The following DSCAML1 variants were observed in gnomAD, a reference collection of about 807,000 sequenced individuals.
DSCAML1 encodes DS cell adhesion molecule like 1.
Under a neutral mutation model 200.5 loss-of-function variants are expected in DSCAML1, and 38 were observed. The ratio of observed to expected loss-of-function variants is 0.19; its 90% CI spans 0.15 to 0.25. DSCAML1 has a LOEUF of 0.25. Among genes scored for constraint, DSCAML1 ranks in the 10% least tolerant of loss-of-function variants. DSCAML1 has a pLI of 1.00. For missense variants in DSCAML1, 2,223 were observed against 2,858.8 expected (o/e 0.78, Z 5.07); for synonymous variants, 1,215 against 1,165.0 (o/e 1.04, Z -0.87).
In DSCAML1 at chr11:117,523,723, C is replaced by T. The variant is rs560380458; in HGVS notation, c.937+1082G>A. Among the ~76,000 whole-genome samples, 3 of 152,336 alleles carry T rather than the reference C, an allele frequency of 2.0e-5. No individual in the cohort carries two copies. The South Asian group carries it at 6.2e-4, about 32-fold the overall frequency. On this transcript the variant is annotated intron_variant, in intron 5 of 32. Coordinates refer to ENST00000651296, the MANE Select transcript of DSCAML1 (RefSeq NM_020693.4). ...CTGGTCAGCCTGAGGGTCTGCAGCCCTACTGCCCTATGCTCACAATGAATG... is the reference window on the plus strand; with the variant it reads ...CTGGTCAGCCTGAGGGTCTGCAGCCTTACTGCCCTATGCTCACAATGAATG...
chr11:117,810,061 ACACACTCACTTACACATTCG>A (rs2055747246), intron 1 of DSCAML1, among the ~76,000 whole-genome samples: 1 of 149,648 alleles, frequency 6.7e-6, no homozygotes, highest in South Asian at 2.1e-4. Flanking sequence ...ACACACATTC[ACACACTCACTTACACATTCG>A]CACACACATA....
At chr11:117,562,648 A>G (rs1183981430) in intron 3 of DSCAML1, among the ~76,000 whole-genome samples, 1 of 152,252 alleles carries the variant, frequency 6.6e-6, no homozygotes, top group East Asian at 1.9e-4. Flanking sequence ...TAGCTCACAG[A>G]GTAGGCACCT....
intron 3 of DSCAML1, among the ~76,000 whole-genome samples, chr11:117,725,169 T>G (rs996875355): frequency 2.0e-5 from 3 of 152,120 alleles, no homozygotes; most frequent in African/African-American, 7.2e-5. Context: ...CAGAGCCCCT[T>G]CCCCAGGCAT....
chr11:117,814,782 A>AG (rs1195048271), intron 1 of DSCAML1, among the ~76,000 whole-genome samples: 24 of 152,338 alleles, frequency 1.6e-4, no homozygotes, highest in Admixed American at 5.2e-4. Context: ...ACTCTTGAAC[A>AG]GCGGAGGCCC....
intron 3 of DSCAML1, among the ~76,000 whole-genome samples, chr11:117,719,993 G>C (rs936033868): frequency 2.0e-5 from 3 of 152,170 alleles, no homozygotes; most frequent in African/African-American, 7.2e-5. Context: ...AAGGCAAAAG[G>C]ACTTGAAATC....
At chr11:117,774,511 G>A (rs1014302937) in intron 3 of DSCAML1, among the ~76,000 whole-genome samples, 10 of 152,146 alleles carry the variant, frequency 6.6e-5, no homozygotes, top group African/African-American at 2.4e-4. Context: ...GAAATGGAGG[G>A]GGTAAATGAC....
chr11:117,515,749 T>C (rs1285073679), intron 8 of DSCAML1, among the ~76,000 whole-genome samples: 1 of 151,072 alleles, frequency 6.6e-6, no homozygotes, highest in East Asian at 2.0e-4. Context: ...GCCTCCCAAG[T>C]AGCTGGGATT....
At chr11:117,486,781 G>A (rs1483276884) in intron 11 of DSCAML1, among the ~76,000 whole-genome samples, 3 of 151,758 alleles carry the variant, frequency 2.0e-5, no homozygotes, top group Non-Finnish European at 4.4e-5. Flanking sequence ...TGAATTTGTA[G>A]CAGCTGCTGG....
At chr11:117,446,383 AAAAC>A (rs756314266) in intron 20 of DSCAML1, among the ~76,000 whole-genome samples, 6 of 151,930 alleles carry the variant, frequency 3.9e-5, no homozygotes, top group Non-Finnish European at 8.8e-5. Context: ...AACAAAAACA[AAAAC>A]AAAAAACCAG....
chr11:117,666,151 G>T (rs2052970433), intron 3 of DSCAML1, among the ~76,000 whole-genome samples: 3 of 152,158 alleles, frequency 2.0e-5, no homozygotes, highest in South Asian at 2.1e-4. Flanking sequence ...GGTGAGAGGG[G>T]CATGGATCTC....
chr11:117,482,109 C>A lies in DSCAML1; in HGVS notation c.2413G>T (p.Ala805Ser). 1 of 1,614,196 alleles carries A rather than the reference C, an allele frequency of 6.2e-7. No homozygotes were observed. Among genetic ancestry groups the A allele is most frequent in the Non-Finnish European group, 8.5e-7 (1 of 1,180,008 alleles). The change falls in exon 12 of 33, where the codon GCG becomes TCG. Residue 805 changes from alanine (A) to serine (S), a missense_variant. By Grantham distance (99) the Ala-to-Ser change is moderately conservative. Transcript: ENST00000651296. ...PNTTIAIKGH[A>S]KELNCTARGE... The stretch of plus-strand genomic sequence containing the variant: ...CGTGCCGTGCAGTTTAGCTCCTTCG[C>A]ATGGCCCTTGATGGCGATGGTGGTG...
intron 4 of DSCAML1, among the ~76,000 whole-genome samples, chr11:117,530,941 C>A (rs1182965105): frequency 6.6e-6 from 1 of 152,186 alleles, no homozygotes; most frequent in African/African-American, 2.4e-5. Context: ...AACTCGCAAC[C>A]CGCAAACTTT....
At chr11:117,654,120 T>C (rs987441380) in intron 3 of DSCAML1, among the ~76,000 whole-genome samples, 1 of 152,228 alleles carries the variant, frequency 6.6e-6, no homozygotes, top group African/African-American at 2.4e-5. Flanking sequence ...TCTATTCTTC[T>C]ATGCAGATAT....
chr11:117,458,790 G>A lies in DSCAML1; in HGVS notation c.3532C>T (p.Arg1178Cys), dbSNP rs576070264. The change falls in exon 19 of 33, where the codon CGC becomes TGC. Residue 1178 changes from arginine to cysteine, a missense_variant. This residue lies in a region of DSCAML1 where 438 missense variants were observed against 629.7 expected (regional missense o/e 0.70). Coordinates refer to ENST00000651296, the MANE Select transcript of DSCAML1 (RefSeq NM_020693.4). Reference protein sequence around the residue: ...LAYTQAGDGVRSSVLYIQTKE... With the variant: ...LAYTQAGDGVCSSVLYIQTKE... ...GTCTGGATGTAGAGCACACTGCTGC[G>A]TACGCCGTCCCCAGCCTGGGTGTAG... The A allele has an allele frequency of 2.7e-5, 44 of 1,613,846 alleles. No homozygotes were observed. Among genetic ancestry groups the A allele is most frequent in the South Asian group, 1.1e-4 (10 of 91,088 alleles).
At chr11:117,470,770 T>C (rs184234086) in intron 15 of DSCAML1, among the ~76,000 whole-genome samples, 2 of 152,318 alleles carry the variant, frequency 1.3e-5, no homozygotes, top group Admixed American at 6.5e-5. Flanking sequence ...CCCTGTGGTA[T>C]AGTCATATAA....
chr11:117,776,287 C>T lies in DSCAML1; in HGVS notation c.511+504G>A, dbSNP rs1446278654. Among the ~76,000 whole-genome samples the T allele has an allele frequency of 3.3e-5, 5 of 152,146 alleles. No individual in the cohort carries two copies. In the East Asian group the frequency reaches 7.7e-4, roughly 23 times the overall value. The stretch of plus-strand genomic sequence containing the variant: ...CTAGAATTCCAATGGAGTCTTTAGC[C>T]AACTCATTCAAGAAGGGAAGAAGGA... On this transcript the variant is annotated intron_variant, in intron 3 of 32. Coordinates refer to ENST00000651296, the MANE Select transcript of DSCAML1 (RefSeq NM_020693.4).
chr11:117,428,444 G>A lies in DSCAML1; in HGVS notation c.6046C>T (p.Pro2016Ser), dbSNP rs2057855359. The change falls in exon 33 of 33, where the codon CCA becomes TCA. Residue 2016 changes from proline (P) to serine (S), a missense_variant. Transcript: ENST00000651296. ...CTGGAGCCCCCCATTTTGGTGTGTG[G>A]GCCCCCGGCTCGTGGAGGCTCGGTG... Reference protein sequence around the residue: ...PSTEPPRAGGPHTKMGGSRDS... With the variant: ...PSTEPPRAGGSHTKMGGSRDS... 1.3e-6 allele frequency: 2 copies of A among 1,540,806 alleles called. No individual in the cohort carries two copies. The highest frequency in any genetic ancestry group is 1.4e-5 in the African/African-American group (1 of 71,834).
At position 117,428,698 on chromosome 11, in the gene DSCAML1, C is replaced by T. The variant is rs145244816; in HGVS notation, c.5792G>A (p.Arg1931Gln). The change falls in exon 33 of 33, where the codon CGG (arginine) becomes CAG (glutamine). Residue 1931 changes from arginine (R) to glutamine (Q), a missense_variant. Around this residue, in one of 7 missense-constraint regions of DSCAML1, gnomAD observed 280 missense variants for 213.4 expected, o/e 1.31. Coordinates refer to ENST00000651296, the MANE Select transcript of DSCAML1 (RefSeq NM_020693.4). ...PVVPPREASI[R>Q]NLARTYHTQA... ...GGTGTGGTAGGTTCGAGCCAGGTTC[C>T]GGATGGAGGCCTCACGGGGTGGGAC... The T allele has an allele frequency of 2.5e-4, 404 of 1,613,072 alleles. 9 individuals are homozygous for T. In the Middle Eastern group the frequency reaches 2.7e-3, roughly 11 times the overall value.
chr11:117,641,907 C>T (rs539606483), intron 3 of DSCAML1, among the ~76,000 whole-genome samples: 5 of 152,200 alleles, frequency 3.3e-5, no homozygotes, highest in African/African-American at 1.2e-4. Flanking sequence ...TCCGTCTTAC[C>T]CACGAGGGAA....
Sources: allele counts gnomAD v4.1 joint callset (sites outside exome capture counted in the v4.1 genomes callset), GRCh38; gene constraint gnomAD v4.1.1; regional missense constraint gnomAD v4.1.1; transcripts MANE v1.5; gene names NCBI Gene and HGNC (gene_info 2026-07-23, HGNC 2026-07-21).